The following CASK variants were observed in gnomAD, a reference collection of about 807,000 sequenced individuals.
The protein encoded by CASK is peripheral plasma membrane protein CASK.
CASK carries 4 observed loss-of-function variants against 82.9 expected under a neutral mutation model. The ratio of observed to expected loss-of-function variants is 0.05; its 90% CI spans 0.02 to 0.11. CASK has a LOEUF of 0.11. CASK is among the 10% of genes least tolerant of loss of function. CASK has a pLI of 1.00. For missense variants in CASK, 358 were observed against 720.9 expected (o/e 0.50, Z 5.76); for synonymous variants, 259 against 253.5 (o/e 1.02, Z -0.20).
At chrX:41,551,359 G>A (rs983726388) in intron 21 of CASK, among the ~76,000 whole-genome samples, 1 of 111,092 alleles carries the variant, frequency 9.0e-6, no homozygotes. Flanking sequence ...ATAGTCCTCC[G>A]GTGTTGAAGG....
At chrX:41,830,785 A>G (rs1321454470) in intron 2 of CASK, among the ~76,000 whole-genome samples, 2 of 97,434 alleles carry the variant, frequency 2.1e-5, no homozygotes, top group Non-Finnish European at 4.1e-5. Context: ...GCGCCACTGC[A>G]CTCCAGCCTG....
chrX:41,612,458 G>A (rs1418933281), intron 11 of CASK, among the ~76,000 whole-genome samples: 12 of 106,678 alleles, frequency 1.1e-4, no homozygotes, highest in African/African-American at 4.1e-4. Context: ...GAGCCCCTCC[G>A]CCCGGCAGCC....
Position 41,745,378 on chromosome X carries a change from G to A in CASK, c.356+146C>T, listed in dbSNP as rs773236028. 1,775 of 507,265 alleles carry A rather than the reference G, an allele frequency of 3.5e-3. 5 individuals are homozygous for A. Among genetic ancestry groups the A allele is most frequent in the Non-Finnish European group, 4.4e-3 (1,246 of 283,049 alleles). 41.8% of individuals were successfully genotyped at this position (507,265 alleles called of 1,213,427 possible). ...GTATTTTGCATTTCCAGTGACTATC[G>A]GTTCTACTAACACATACTAAAACAG... On this transcript the variant is annotated intron_variant, in intron 4 of 26. Transcript: ENST00000378163.
Position 41,651,433 on chromosome X carries a change from G to C in CASK, c.831+9006C>G, listed in dbSNP as rs892389746. Among the ~76,000 whole-genome samples, 4 of 111,998 alleles carry C rather than the reference G, an allele frequency of 3.6e-5. No individual in the cohort carries two copies. In the East Asian group the frequency reaches 1.1e-3, roughly 31 times the overall value. On this transcript the variant is annotated intron_variant, in intron 8 of 26. Transcript: ENST00000378163. ...AAAATTGTTCACTACTCTTTTCTAG[G>C]GGAAATCAGGAATAACTAGCACTGA... is the stretch of plus-strand genomic sequence containing the variant.
intron 5 of CASK, chrX:41,728,766 A>G (rs1406107793): frequency 1.6e-5 from 2 of 123,703 alleles, no homozygotes; most frequent in Non-Finnish European, 3.8e-5. Flanking sequence ...AAAAATAAAA[A>G]TAAGTAAAAA....
intron 5 of CASK, among the ~76,000 whole-genome samples, chrX:41,710,471 A>T (rs1002146814): frequency 9.0e-6 from 1 of 111,695 alleles, no homozygotes; most frequent in African/African-American, 3.3e-5. Context: ...TATGCTGTGC[A>T]TTCCTAAAAG....
chrX:41,859,871 G>C (rs1468929571), intron 1 of CASK, among the ~76,000 whole-genome samples: 1 of 111,332 alleles, frequency 9.0e-6, no homozygotes, highest in East Asian at 2.8e-4. Flanking sequence ...ACCCAACCTT[G>C]TACTTCCCCT....
chrX:41,651,460 T>A (rs1481960478), intron 8 of CASK, among the ~76,000 whole-genome samples: 1 of 112,123 alleles, frequency 8.9e-6, no homozygotes, highest in Admixed American at 9.4e-5. Flanking sequence ...TAGCACTGAG[T>A]ATCAGAGAGG....
chrX:41,557,517 AAG>A (rs2065174213), intron 18 of CASK, among the ~76,000 whole-genome samples: 1 of 111,693 alleles, frequency 9.0e-6, no homozygotes. Context: ...TACCTGTGTC[AAG>A]AGTTACTAAC....
At chrX:41,829,489 C>T (rs1440739237) in intron 2 of CASK, among the ~76,000 whole-genome samples, 1 of 104,403 alleles carries the variant, frequency 9.6e-6, no homozygotes, top group Non-Finnish European at 2.0e-5. Flanking sequence ...TTGTGCTCCA[C>T]TGTATGAATA....
At chrX:41,712,022 C>T (rs113022084) in intron 5 of CASK, among the ~76,000 whole-genome samples, 1,145 of 112,878 alleles carry the variant, frequency 0.01, 13 homozygotes, top group African/African-American at 0.034. Flanking sequence ...GTGAGTGGGC[C>T]TGACGCCTCA....
At chrX:41,849,628 AT>A (rs1374684453) in intron 2 of CASK, among the ~76,000 whole-genome samples, 2 of 112,049 alleles carry the variant, frequency 1.8e-5, no homozygotes, top group African/African-American at 3.2e-5. Context: ...CTCTAAAAAA[AT>A]AAACATAATT....
chrX:41,768,439 T>C (rs2069154841), intron 3 of CASK, among the ~76,000 whole-genome samples: 1 of 111,059 alleles, frequency 9.0e-6, no homozygotes, highest in Non-Finnish European at 1.9e-5. Context: ...TACATGTATA[T>C]GTGTATGTGT....
intron 7 of CASK, among the ~76,000 whole-genome samples, chrX:41,662,448 T>C (rs1415958522): frequency 3.6e-5 from 4 of 111,471 alleles, no homozygotes; most frequent in South Asian, 3.8e-4. Context: ...AAAATATCCA[T>C]AGAGATCAAG....
chrX:41,755,394 A>T (rs2068875046), intron 3 of CASK, among the ~76,000 whole-genome samples: 1 of 112,006 alleles, frequency 8.9e-6, no homozygotes, highest in African/African-American at 3.2e-5. Flanking sequence ...TAAGAATTAC[A>T]CCAGGTCCAA....
chrX:41,919,151 T>C (rs1186553925), intron 1 of CASK: 2 of 112,378 alleles, frequency 1.8e-5, no homozygotes, highest in East Asian at 5.5e-4. Flanking sequence ...TGGAGAAAGA[T>C]GTGTAAGAAA....
At chrX:41,595,492 C>A (rs1347959289) in intron 12 of CASK, among the ~76,000 whole-genome samples, 1 of 111,530 alleles carries the variant, frequency 9.0e-6, no homozygotes, top group African/African-American at 3.3e-5. Flanking sequence ...GTAGTCCCAG[C>A]TACTCAAGAT....
intron 1 of CASK, among the ~76,000 whole-genome samples, chrX:41,919,829 G>GT (rs2072754448): frequency 8.9e-6 from 1 of 112,311 alleles, no homozygotes; most frequent in African/African-American, 3.2e-5. Flanking sequence ...TCCAATATTT[G>GT]TAACAAATTG....
intron 16 of CASK, among the ~76,000 whole-genome samples, chrX:41,563,441 TA>T (rs1208918524): frequency 9.1e-5 from 9 of 99,226 alleles, no homozygotes; most frequent in African/African-American, 2.6e-4. Context: ...AATAGAAAGT[TA>T]AAAAAAAAGG....
Sources: gnomAD v4.1 joint callset for allele counts (sites outside exome capture counted in the v4.1 genomes callset) on GRCh38, gnomAD v4.1.1 for gene constraint, MANE v1.5 for transcripts, NCBI Gene and HGNC (gene_info 2026-07-23, HGNC 2026-07-21) for gene names.